FBXL13: variants seen among roughly 807,000 people sequenced by gnomAD.
The protein encoded by FBXL13 is F-box and leucine-rich repeat protein 13.
A neutral mutation model predicts 83.6 loss-of-function variants in FBXL13; 67 were observed. The observed-to-expected ratio is 0.80, with a 90% CI of 0.66 to 0.98. The LOEUF (loss-of-function observed/expected upper bound fraction) is 0.98. Among genes scored for constraint, FBXL13 ranks in the 50% least tolerant of loss-of-function variants. FBXL13 has a pLI of 0.00. For synonymous variants in FBXL13, 272 were observed against 299.5 expected (o/e 0.91, Z 0.95); for missense variants, 822 against 866.5 (o/e 0.95, Z 0.64).
intron 8 of FBXL13, among the ~76,000 whole-genome samples, chr7:102,949,196 C>G (rs1216470474): frequency 2.0e-5 from 3 of 152,130 alleles, no homozygotes; most frequent in Non-Finnish European, 4.4e-5. Context: ...AATAGAGGAA[C>G]TGATCTTAGC....
chr7:102,878,097 C>A (rs1448007050), intron 15 of FBXL13, among the ~76,000 whole-genome samples: 1 of 152,120 alleles, frequency 6.6e-6, no homozygotes, highest in Non-Finnish European at 1.5e-5. Flanking sequence ...AGATATTCAT[C>A]ATTTCAGGAA....
intron 7 of FBXL13, among the ~76,000 whole-genome samples, chr7:102,966,687 C>T (rs1336577572): frequency 6.6e-6 from 1 of 152,158 alleles, no homozygotes; most frequent in Non-Finnish European, 1.5e-5. Flanking sequence ...TTTCTCTTTC[C>T]ACAATTGTAT....
chr7:102,998,635 T>C (rs984702495), intron 6 of FBXL13, among the ~76,000 whole-genome samples: 1 of 152,088 alleles, frequency 6.6e-6, no homozygotes, highest in African/African-American at 2.4e-5. Context: ...TGATTATCAG[T>C]TCTAACAGTT....
At chr7:103,052,843 G>A (rs376656812) in intron 2 of FBXL13, among the ~76,000 whole-genome samples, 2 of 145,014 alleles carry the variant, frequency 1.4e-5, no homozygotes, top group African/African-American at 2.6e-5. Context: ...TGCAACCTCC[G>A]CCTCCCAGGT....
At chr7:102,998,309 T>G (rs1563201145) in intron 6 of FBXL13, among the ~76,000 whole-genome samples, 1 of 152,336 alleles carries the variant, frequency 6.6e-6, no homozygotes, top group South Asian at 2.1e-4. Flanking sequence ...CCTTTTCAGA[T>G]GGGCAGTTTG....
At chr7:102,857,995 C>T (rs11980643) in intron 16 of FBXL13, among the ~76,000 whole-genome samples, 28,890 of 152,042 alleles carry the variant, frequency 0.19, 2,985 homozygotes, top group East Asian at 0.43. Flanking sequence ...GGGATACCTA[C>T]ACTCCCATGT....
intron 8 of FBXL13, 44 bp downstream of exon 9, chr7:102,963,489 T>A: frequency 6.3e-7 from 1 of 1,596,830 alleles, no homozygotes. Context: ...TGTTTAATTG[T>A]AATACAGGAA....
chr7:102,888,349 T>C (rs1227864383), intron 11 of FBXL13, among the ~76,000 whole-genome samples: 3 of 152,138 alleles, frequency 2.0e-5, no homozygotes, highest in Non-Finnish European at 4.4e-5. Context: ...CCATCCTGGC[T>C]AATACGGTGA....
chr7:102,939,097 A>G (rs552830482), intron 8 of FBXL13, among the ~76,000 whole-genome samples: 3 of 152,230 alleles, frequency 2.0e-5, no homozygotes, highest in Admixed American at 6.5e-5. Context: ...TGTGGGTTCA[A>G]TAAGCAAGTC....
chr7:102,963,006 TAAA>T lies in FBXL13; in HGVS notation c.724+524_724+526del, dbSNP rs1157647184. Among the ~76,000 whole-genome samples the T allele has an allele frequency of 7.4e-3, 358 of 48,536 alleles. 1 individual carries two copies. Among genetic ancestry groups the T allele is most frequent in the African/African-American group, 0.025 (329 of 13,242 alleles). 31.8% of individuals were successfully genotyped at this position (48,536 alleles called of 152,430 possible). The stretch of plus-strand genomic sequence containing the variant: ...ATAAAAATATATATATATATATATA[TAAA>T]AAAAAAAAAAAGAATAGACCAAGAA... On this transcript the variant is annotated intron_variant, in intron 8 of 19. Coordinates refer to ENST00000313221, the Ensembl canonical transcript of FBXL13.
At chr7:103,053,335 T>C (rs539607190) in intron 2 of FBXL13, among the ~76,000 whole-genome samples, 1 of 151,904 alleles carries the variant, frequency 6.6e-6, no homozygotes, top group South Asian at 2.1e-4. Flanking sequence ...GTACTTTTAG[T>C]AGAGACAGGG....
intron 16 of FBXL13, among the ~76,000 whole-genome samples, chr7:102,861,546 G>C (rs957626565): frequency 1.3e-5 from 2 of 152,118 alleles, no homozygotes; most frequent in African/African-American, 2.4e-5. Flanking sequence ...CTCTTTATTA[G>C]AAGAGGTATA....
intron 16 of FBXL13, among the ~76,000 whole-genome samples, chr7:102,864,171 T>C (rs964791070): frequency 3.9e-5 from 6 of 152,158 alleles, no homozygotes; most frequent in Admixed American, 6.5e-5. Context: ...CCTCCATCTC[T>C]TTCTCCAGCC....
chr7:102,979,966 G>A (rs1827980882), intron 6 of FBXL13, among the ~76,000 whole-genome samples: 1 of 152,026 alleles, frequency 6.6e-6, no homozygotes, highest in Non-Finnish European at 1.5e-5. Flanking sequence ...TGGGCCAAGA[G>A]TTTTATAAGA....
intron 11 of FBXL13, among the ~76,000 whole-genome samples, chr7:102,904,075 G>A (rs1388101791): frequency 6.7e-6 from 1 of 150,028 alleles, no homozygotes; most frequent in Non-Finnish European, 1.5e-5. Flanking sequence ...ATTGGTATTA[G>A]TTCTTCTTTA....
At chr7:103,019,739 T>A (rs956563471) in intron 6 of FBXL13, among the ~76,000 whole-genome samples, 51 of 152,250 alleles carry the variant, frequency 3.3e-4, no homozygotes, top group Admixed American at 4.6e-4. Flanking sequence ...ATGGATAAAT[T>A]CCTGGACACA....
chr7:102,832,708 A>G, intron 18 of FBXL13, 132 bp downstream of exon 19: 1 of 1,128,638 alleles, frequency 8.9e-7, no homozygotes, highest in South Asian at 2.9e-5. Flanking sequence ...TGAGGATAGA[A>G]GAAAAAAATC....
intron 2 of FBXL13, among the ~76,000 whole-genome samples, chr7:103,049,255 A>G (rs1201855061): frequency 6.6e-6 from 1 of 152,238 alleles, no homozygotes; most frequent in South Asian, 2.1e-4. Context: ...AATAAATTCA[A>G]CAATTTTCAA....
intron 16 of FBXL13, among the ~76,000 whole-genome samples, chr7:102,866,216 AG>A (rs1807626520): frequency 6.6e-6 from 1 of 152,174 alleles, no homozygotes; most frequent in Admixed American, 6.5e-5. Context: ...TGATGGAGGT[AG>A]AGAGGAGAGT....
Sources: gnomAD v4.1 joint callset for allele counts (sites outside exome capture counted in the v4.1 genomes callset) on GRCh38, gnomAD v4.1.1 for gene constraint, MANE v1.5 for transcripts, NCBI Gene and HGNC (gene_info 2026-07-23, HGNC 2026-07-21) for gene names.